RCOR1: variants seen among roughly 807,000 people sequenced by gnomAD.
RCOR1 encodes REST corepressor.
A neutral mutation model predicts 64.0 loss-of-function variants in RCOR1; 12 were observed. The observed-to-expected ratio is 0.19, with a 90% CI of 0.12 to 0.30. The LOEUF (loss-of-function observed/expected upper bound fraction) is 0.30. Ranked by LOEUF, RCOR1 falls within the 10% of genes least tolerant of loss-of-function variation. RCOR1 has a pLI of 1.00. For missense variants in RCOR1, 502 were observed against 621.2 expected (o/e 0.81, Z 2.04); for synonymous variants, 279 against 227.2 (o/e 1.23, Z -2.05).
chr14:102,729,772 A>T lies in RCOR1; in HGVS notation c.*3266A>T, dbSNP rs1007602430. ...ACTATTGGTATAATTGCACACCAAA[A>T]ATAAGCCAAACAGTGCATTACGCTA... On this transcript the variant is annotated 3_prime_UTR_variant, in exon 12 of 12. Coordinates refer to ENST00000262241, the MANE Select transcript of RCOR1 (RefSeq NM_015156.4). 2.5e-6 allele frequency: 1 copy of T among 398,920 alleles called. No individual in the cohort carries two copies. Among genetic ancestry groups the T allele is most frequent in the Admixed American group, 4.4e-5 (1 of 22,738 alleles). 24.7% of individuals were successfully genotyped at this position (398,920 alleles called of 1,614,324 possible). A position where few individuals can be genotyped will look rare whatever the true frequency, so the allele number is the denominator to read the frequency against.
At chr14:102,667,738 A>T (rs1050726526) in intron 2 of RCOR1, among the ~76,000 whole-genome samples, 7 of 151,992 alleles carry the variant, frequency 4.6e-5, no homozygotes, top group East Asian at 1.9e-4. Context: ...GGTTTTGCAG[A>T]GTGTGTGTGC....
At chr14:102,635,829 G>A (rs1894223489) in intron 2 of RCOR1, among the ~76,000 whole-genome samples, 1 of 152,154 alleles carries the variant, frequency 6.6e-6, no homozygotes, top group African/African-American at 2.4e-5. Context: ...TCATGCACCT[G>A]TAGTCCTAGC....
chr14:102,683,264 G>A lies in RCOR1; in HGVS notation c.445+1286G>A, dbSNP rs117267206. ...TCCACTGAGGCTCCCAGTGGACAGC[G>A]AGCTCGGCTTGTGGCTGAGACACAC... On this transcript the variant is annotated intron_variant, in intron 3 of 11. Transcript: ENST00000262241. 5.0e-3 allele frequency among the ~76,000 whole-genome samples: 759 copies of A among 152,170 alleles called. 5 individuals carry two copies. Among genetic ancestry groups the A allele is most frequent in the Non-Finnish European group, 8.1e-3 (554 of 68,000 alleles).
intron 2 of RCOR1, among the ~76,000 whole-genome samples, chr14:102,605,383 ATGG>A (rs1893484386): frequency 6.6e-6 from 1 of 152,166 alleles, no homozygotes; most frequent in African/African-American, 2.4e-5. Flanking sequence ...ATTTATTTTG[ATGG>A]TGTGACTGAA....
At chr14:102,594,371 A>G (rs1004059148) in intron 2 of RCOR1, among the ~76,000 whole-genome samples, 2 of 152,198 alleles carry the variant, frequency 1.3e-5, no homozygotes, top group Non-Finnish European at 2.9e-5. Flanking sequence ...ATAAACGCAT[A>G]CATGTTTTTT....
In RCOR1 at chr14:102,714,563, T is replaced by A; in HGVS notation, c.999T>A (p.Ala333=). The A allele has an allele frequency of 1.9e-6, 3 of 1,613,830 alleles. No individual in the cohort carries two copies. Among genetic ancestry groups the A allele is most frequent in the Non-Finnish European group, 2.5e-6 (3 of 1,179,728 alleles). ...DVEAVSANAT[A]ATTVLRQLDM... ...AGGCTGTTTCTGCCAATGCCACTGCTGCTACCACGGTGCTGAGACAACTAG... is the reference window on the plus strand; with the variant it reads ...AGGCTGTTTCTGCCAATGCCACTGCAGCTACCACGGTGCTGAGACAACTAG... Residue 333 remains alanine, a synonymous_variant, in exon 8 of 12, where the codon GCT becomes GCA. Transcript: ENST00000262241.
chr14:102,712,177 T>C (rs1895974656), intron 7 of RCOR1, among the ~76,000 whole-genome samples: 1 of 151,772 alleles, frequency 6.6e-6, no homozygotes, highest in Non-Finnish European at 1.5e-5. Flanking sequence ...AGCCCTTGAT[T>C]TTATTTTTTT....
rs1275694458 is a variant in RCOR1 at position 102,592,850 on chromosome 14, G to C, written c.-37G>C. The C allele has an allele frequency of 2.5e-6, 3 of 1,179,472 alleles. No homozygotes were observed. Among genetic ancestry groups the C allele is most frequent in the Non-Finnish European group, 3.1e-6 (3 of 957,014 alleles). The allele number at this position is 1,179,472 out of a possible 1,614,324, so 73.1% of individuals were successfully genotyped here. A position where few individuals can be genotyped will look rare whatever the true frequency, so the allele number is the denominator to read the frequency against. On this transcript the variant is annotated 5_prime_UTR_variant, in exon 1 of 12. Coordinates refer to ENST00000262241, the MANE Select transcript of RCOR1 (RefSeq NM_015156.4). ...CGGCGCCCCCTCCTCAGGAGCCGCG[G>C]GTCCCCGCCACTTTCGCACGGCCCC... is the stretch of plus-strand genomic sequence containing the variant.
intron 2 of RCOR1, among the ~76,000 whole-genome samples, chr14:102,654,212 C>G (rs1449746750): frequency 6.6e-6 from 1 of 151,894 alleles, no homozygotes; most frequent in African/African-American, 2.4e-5. Flanking sequence ...GTTTCGAACT[C>G]CTGACCTCAG....
chr14:102,691,191 G>A (rs1895523998), intron 3 of RCOR1, among the ~76,000 whole-genome samples: 2 of 152,194 alleles, frequency 1.3e-5, no homozygotes, highest in Admixed American at 6.5e-5. Context: ...TTCATTGAGC[G>A]CCGTGAAGGA....
chr14:102,643,518 A>T (rs1894415759), intron 2 of RCOR1, among the ~76,000 whole-genome samples: 1 of 152,198 alleles, frequency 6.6e-6, no homozygotes, highest in African/African-American at 2.4e-5. Flanking sequence ...GAGGAAGCAG[A>T]TTGCTGCTGC....
At chr14:102,663,012 A>G (rs193180722) in intron 2 of RCOR1, among the ~76,000 whole-genome samples, 1 of 152,292 alleles carries the variant, frequency 6.6e-6, no homozygotes, top group African/African-American at 2.4e-5. Context: ...TGTAGCTCCT[A>G]TAACTCCCAC....
chr14:102,647,875 T>C (rs566123467), intron 2 of RCOR1, among the ~76,000 whole-genome samples: 2 of 150,512 alleles, frequency 1.3e-5, no homozygotes, highest in African/African-American at 4.9e-5. Context: ...GACGGAGTTT[T>C]GCCATGTTGA....
intron 2 of RCOR1, among the ~76,000 whole-genome samples, chr14:102,636,809 A>G (rs958375857): frequency 6.6e-6 from 1 of 151,848 alleles, no homozygotes; most frequent in African/African-American, 2.4e-5. Context: ...CGTCTCTACT[A>G]CAAATACAAA....
At chr14:102,617,670 A>G (rs1478733352) in intron 2 of RCOR1, among the ~76,000 whole-genome samples, 1 of 146,218 alleles carries the variant, frequency 6.8e-6, no homozygotes, top group African/African-American at 2.5e-5. Flanking sequence ...GCTCACTGCA[A>G]CCTCCACTTC....
At chr14:102,709,490 A>G (rs1468603494) in intron 6 of RCOR1, among the ~76,000 whole-genome samples, 7 of 152,214 alleles carry the variant, frequency 4.6e-5, no homozygotes, top group Non-Finnish European at 7.3e-5. Flanking sequence ...CCGGTGTCCC[A>G]TCTCAGGATG....
intron 2 of RCOR1, among the ~76,000 whole-genome samples, chr14:102,667,972 A>G (rs1283328174): frequency 6.6e-6 from 1 of 152,208 alleles, no homozygotes; most frequent in Non-Finnish European, 1.5e-5. Context: ...ATAAAGATTT[A>G]GAAGTCATTA....
chr14:102,653,319 A>G (rs1205286471), intron 2 of RCOR1, among the ~76,000 whole-genome samples: 2 of 152,016 alleles, frequency 1.3e-5, no homozygotes, highest in Admixed American at 6.6e-5. Flanking sequence ...CCTGGGCTCA[A>G]TCGATCCTCC....
chr14:102,683,542 C>T (rs1895347223), intron 3 of RCOR1, among the ~76,000 whole-genome samples: 1 of 152,238 alleles, frequency 6.6e-6, no homozygotes, highest in Non-Finnish European at 1.5e-5. Context: ...CCCTGGTCAG[C>T]CTGGGGTGCT....
Sources: gnomAD v4.1 joint callset for allele counts (sites outside exome capture counted in the v4.1 genomes callset) on GRCh38, gnomAD v4.1.1 for gene constraint, MANE v1.5 for transcripts, NCBI Gene and HGNC (gene_info 2026-07-23, HGNC 2026-07-21) for gene names.